ZNF831: variants seen among roughly 807,000 people sequenced by gnomAD.
ZNF831 encodes the protein zinc finger protein 831.
Under a neutral mutation model 95.8 loss-of-function variants are expected in ZNF831, and 59 were observed. The observed-to-expected ratio is 0.62, with a 90% CI of 0.50 to 0.77. The LOEUF (loss-of-function observed/expected upper bound fraction) is 0.77. ZNF831 is among the 30% of genes least tolerant of loss of function. ZNF831 has a pLI of 0.00. For synonymous variants in ZNF831, 961 were observed against 925.5 expected (o/e 1.04, Z -0.70); for missense variants, 2,205 against 2,164.0 (o/e 1.02, Z -0.38).
At chr20:59,239,842 G>A (rs1406904091) in intron 4 of ZNF831, among the ~76,000 whole-genome samples, 1 of 152,216 alleles carries the variant, frequency 6.6e-6, no homozygotes, top group East Asian at 1.9e-4. Context: ...ACCGCACCCG[G>A]CCATCTGTAA....
In ZNF831 at chr20:59,196,839, G is replaced by A. The variant is rs536793570; in HGVS notation, c.3875+834G>A. 1.4e-4 allele frequency among the ~76,000 whole-genome samples: 22 copies of A among 151,998 alleles called. No homozygotes were observed. In the South Asian group the frequency reaches 1.7e-3, roughly 11 times the overall value. On this transcript the variant is annotated intron_variant, in intron 3 of 5. Coordinates refer to ENST00000371030, the MANE Select transcript of ZNF831 (RefSeq NM_178457.3). ...GTTGCCCAGGCTGGAGTGCAGTGGCGTGATCTCGGCTCACTGTAACCTCTG... is the reference window on the plus strand; with the variant it reads ...GTTGCCCAGGCTGGAGTGCAGTGGCATGATCTCGGCTCACTGTAACCTCTG...
chr20:59,137,269 T>C (rs6026720), intron 1 of ZNF831, among the ~76,000 whole-genome samples: 137,025 of 151,556 alleles, frequency 0.9, 62,808 homozygotes, highest in Non-Finnish European at 0.98. Context: ...TTAATATGCT[T>C]CCAATACATC....
intron 1 of ZNF831, among the ~76,000 whole-genome samples, chr20:59,125,971 G>A (rs1979159361): frequency 1.3e-5 from 2 of 152,222 alleles, no homozygotes; most frequent in South Asian, 2.1e-4. Context: ...AATTATAAAC[G>A]ACCCTTGGTG....
At chr20:59,173,123 C>T (rs1002226242) in intron 1 of ZNF831, among the ~76,000 whole-genome samples, 11 of 152,148 alleles carry the variant, frequency 7.2e-5, no homozygotes, top group African/African-American at 2.4e-4. Context: ...GGGGAAGCTG[C>T]TGCCACTTGT....
intron 4 of ZNF831, among the ~76,000 whole-genome samples, chr20:59,244,341 G>T (rs1485504858): frequency 6.6e-6 from 1 of 152,094 alleles, no homozygotes; most frequent in African/African-American, 2.4e-5. Flanking sequence ...CTAAATTTTA[G>T]TTACTGGTGT....
intron 1 of ZNF831, among the ~76,000 whole-genome samples, chr20:59,166,485 A>G (rs1188046713): frequency 1.3e-5 from 2 of 152,212 alleles, no homozygotes; most frequent in Non-Finnish European, 2.9e-5. Context: ...CACAATCAAA[A>G]TATTGACAGT....
chr20:59,130,622 G>C (rs1360032950), intron 1 of ZNF831, among the ~76,000 whole-genome samples: 2 of 152,218 alleles, frequency 1.3e-5, no homozygotes, highest in Non-Finnish European at 2.9e-5. Context: ...AAGGCAAGGT[G>C]CTCTGTCTGG....
chr20:59,204,281 C>T (rs979471249), intron 3 of ZNF831, among the ~76,000 whole-genome samples: 7 of 152,250 alleles, frequency 4.6e-5, no homozygotes, highest in Admixed American at 3.3e-4. Context: ...TTAGTCATCA[C>T]ACAATTTACT....
rs259984 is a variant in ZNF831, at chr20:59,191,988, G to T, written c.969G>T (p.Ala323=). 1 of 1,607,014 alleles carries T rather than the reference G, an allele frequency of 6.2e-7. No homozygotes were observed. The highest frequency in any genetic ancestry group is 1.7e-5 in the Admixed American group (1 of 59,424). The change falls in exon 2 of 6, where the codon GCG becomes GCT. Residue 323 remains alanine (A), a synonymous_variant. Coordinates refer to ENST00000371030, the MANE Select transcript of ZNF831 (RefSeq NM_178457.3). The stretch of plus-strand genomic sequence containing the variant: ...TGCAGCGGCAGCAGGCGACGGCAGC[G>T]GAGAAGCCCTGGGATGCCAAGGCCC... The part of the protein sequence containing the change: ...CALQRQQATA[A]EKPWDAKAPE...
intron 2 of ZNF831, among the ~76,000 whole-genome samples, chr20:59,151,031 G>A (rs749875193): frequency 5.3e-5 from 8 of 152,226 alleles, no homozygotes; most frequent in South Asian, 2.1e-4. Context: ...GCCTCCAGCC[G>A]TCCATGGGTT....
chr20:59,152,679 G>C (rs1477566119), intron 2 of ZNF831, among the ~76,000 whole-genome samples: 1 of 152,146 alleles, frequency 6.6e-6, no homozygotes, highest in Non-Finnish European at 1.5e-5. Flanking sequence ...GCTTCCCTGA[G>C]GGCATAAGTG....
intron 1 of ZNF831, among the ~76,000 whole-genome samples, chr20:59,182,096 G>A (rs117914766): frequency 3.4e-4 from 51 of 152,160 alleles, no homozygotes; most frequent in East Asian, 3.3e-3. Context: ...ATCTCTCAGC[G>A]CCTTATTCCT....
chr20:59,225,472 G>C (rs1367808652), intron 4 of ZNF831, among the ~76,000 whole-genome samples: 1 of 152,158 alleles, frequency 6.6e-6, no homozygotes, highest in African/African-American at 2.4e-5. Flanking sequence ...GGCAGAAAAT[G>C]ATGATTTCTC....
At chr20:59,161,746 A>G (rs1256045123), upstream of ZNF831, among the ~76,000 whole-genome samples, 1 of 152,226 alleles carries the variant, frequency 6.6e-6, no homozygotes, top group Non-Finnish European at 1.5e-5. Flanking sequence ...TCTTTTTGGT[A>G]GAATGATTTA....
chr20:59,193,370 A>G lies in ZNF831; in HGVS notation c.2351A>G (p.Lys784Arg), dbSNP rs1000920918. Residue 784 changes from lysine to arginine, a missense_variant, in exon 2 of 6, where the codon AAG (lysine) becomes AGG (arginine). Lys to Arg is a conservative substitution (Grantham distance 26). Transcript: ENST00000371030. ...CCCAGGCCAGTTTGGCCGGACCCCAAGCTGGAAGGAGGTGCCCGAGGTGTG... is the reference window on the plus strand; with the variant it reads ...CCCAGGCCAGTTTGGCCGGACCCCAGGCTGGAAGGAGGTGCCCGAGGTGTG... ...EAPRPVWPDP[K>R]LEGGARGVGD... 1.4e-5 allele frequency: 23 copies of G among 1,608,444 alleles called. No homozygotes were observed. The highest frequency in any genetic ancestry group is 1.9e-5 in the Non-Finnish European group (22 of 1,177,218).
intron 1 of ZNF831, among the ~76,000 whole-genome samples, chr20:59,174,586 A>G (rs1489644596): frequency 6.6e-6 from 1 of 152,172 alleles, no homozygotes; most frequent in Non-Finnish European, 1.5e-5. Context: ...GTGTTGGCTC[A>G]TGCCTGTAAT....
chr20:59,203,076 TGTA>T (rs1984644552), intron 3 of ZNF831, among the ~76,000 whole-genome samples: 1 of 152,216 alleles, frequency 6.6e-6, no homozygotes, highest in African/African-American at 2.4e-5. Flanking sequence ...TAAATTTTGA[TGTA>T]GTCAAATGGG....
intron 4 of ZNF831, among the ~76,000 whole-genome samples, chr20:59,239,692 G>A (rs770032852): frequency 2.6e-5 from 4 of 151,898 alleles, no homozygotes; most frequent in East Asian, 1.9e-4. Context: ...TTACAGGCGC[G>A]CGCCACCACG....
At chr20:59,223,555 C>A (rs1986240589) in intron 4 of ZNF831, among the ~76,000 whole-genome samples, 1 of 152,212 alleles carries the variant, frequency 6.6e-6, no homozygotes, top group African/African-American at 2.4e-5. Context: ...CACTCGGGCT[C>A]GCTGCCGAGT....
Sources: gnomAD v4.1 joint callset for allele counts (sites outside exome capture counted in the v4.1 genomes callset) on GRCh38, gnomAD v4.1.1 for gene constraint, MANE v1.5 for transcripts, NCBI Gene and HGNC (gene_info 2026-07-23, HGNC 2026-07-21) for gene names.